The following PEAK1 variants were observed in gnomAD, a reference collection of about 807,000 sequenced individuals.
The protein encoded by PEAK1 is inactive tyrosine-protein kinase PEAK1.
In PEAK1, 54 loss-of-function variants were observed where a neutral mutation model predicts 124.7. The ratio of observed to expected loss-of-function variants is 0.43; its 90% CI spans 0.35 to 0.54. PEAK1 has a LOEUF of 0.54. PEAK1 is among the 20% of genes least tolerant of loss of function. PEAK1 has a pLI of 0.01. For missense variants in PEAK1, 2,046 were observed against 2,134.5 expected, an observed-to-expected ratio of 0.96 and a Z score of 0.82; for synonymous variants, 719 against 760.0, an observed-to-expected ratio of 0.95 and a Z score of 0.89.
intron 1 of PEAK1, chr15:77,404,228 T>C: frequency 3.0e-6 from 3 of 985,438 alleles, no homozygotes; most frequent in South Asian, 9.4e-5. Context: ...TCAGGATCCA[T>C]GGTGTAACTT....
chr15:77,396,992 A>G (rs2070940806), intron 1 of PEAK1, among the ~76,000 whole-genome samples: 2 of 152,208 alleles, frequency 1.3e-5, no homozygotes, highest in Admixed American at 6.5e-5. Context: ...ATTTTATCCA[A>G]TGGCTGCTGC....
intron 6 of PEAK1, among the ~76,000 whole-genome samples, chr15:77,227,538 A>G (rs561371316): frequency 7.9e-5 from 12 of 152,308 alleles, no homozygotes; most frequent in Non-Finnish European, 1.5e-4. Flanking sequence ...ACAACAATTT[A>G]GAAGAGTTCT....
chr15:77,295,613 C>T (rs1651051372), intron 2 of PEAK1, among the ~76,000 whole-genome samples: 3 of 152,206 alleles, frequency 2.0e-5, no homozygotes, highest in Non-Finnish European at 4.4e-5. Context: ...TAATGCAAAA[C>T]ACTACCTCAA....
intron 2 of PEAK1, chr15:77,348,247 A>T (rs1419998822): frequency 1.1e-6 from 1 of 951,770 alleles, no homozygotes; most frequent in Non-Finnish European, 1.3e-6. Flanking sequence ...CCCACCTCTC[A>T]CACTAATTAG....
At chr15:77,398,003 T>G (rs1484406070) in intron 1 of PEAK1, among the ~76,000 whole-genome samples, 1 of 152,150 alleles carries the variant, frequency 6.6e-6, no homozygotes, top group Non-Finnish European at 1.5e-5. Flanking sequence ...AGGCGGAGGT[T>G]GCGGTGAGCC....
downstream of PEAK1, chr15:77,103,528 C>CGTATGTCTTGTATATATTT (rs1185994828): frequency 6.6e-6 from 1 of 152,066 alleles, no homozygotes; most frequent in Non-Finnish European, 1.5e-5. Flanking sequence ...CAGCTATATG[C>CGTATGTCTTGTATATATTT]GTATGTCTTG....
At chr15:77,281,145 C>G (rs1010700495) in intron 5 of PEAK1, among the ~76,000 whole-genome samples, 1 of 152,004 alleles carries the variant, frequency 6.6e-6, no homozygotes, top group Non-Finnish European at 1.5e-5. Flanking sequence ...CCAGCCTGGG[C>G]AACAGAGCAA....
chr15:77,304,917 T>A (rs1218262189), intron 2 of PEAK1, among the ~76,000 whole-genome samples: 1 of 152,000 alleles, frequency 6.6e-6, no homozygotes, highest in Non-Finnish European at 1.5e-5. Flanking sequence ...CATTCCTGCA[T>A]GCATTACTGT....
chr15:77,400,324 A>G (rs1366656803), intron 1 of PEAK1, among the ~76,000 whole-genome samples: 1 of 152,174 alleles, frequency 6.6e-6, no homozygotes, highest in African/African-American at 2.4e-5. Flanking sequence ...TATACCCATA[A>G]CAAAGGAAAT....
At chr15:77,217,556 GAC>G (rs1162113073) in intron 6 of PEAK1, among the ~76,000 whole-genome samples, 23 of 152,162 alleles carry the variant, frequency 1.5e-4, no homozygotes, top group African/African-American at 4.3e-4. Context: ...GCAATGTTTT[GAC>G]AGTTTTCATT....
intron 2 of PEAK1, among the ~76,000 whole-genome samples, chr15:77,315,429 T>C (rs1220572398): frequency 6.6e-6 from 1 of 152,190 alleles, no homozygotes; most frequent in Non-Finnish European, 1.5e-5. Context: ...CAGAGTTACT[T>C]AGCATTTCGA....
At chr15:77,296,121 A>C (rs987232785) in intron 2 of PEAK1, among the ~76,000 whole-genome samples, 1 of 152,222 alleles carries the variant, frequency 6.6e-6, no homozygotes, top group Non-Finnish European at 1.5e-5. Context: ...ACTAAAAAGA[A>C]GAGGGGAAAG....
chr15:77,148,795 G>A (rs183000609), intron 8 of PEAK1, among the ~76,000 whole-genome samples: 313 of 151,968 alleles, frequency 2.1e-3, no homozygotes, highest in Non-Finnish European at 2.6e-3. Flanking sequence ...TGTGGTGCAC[G>A]CCTGTAGACC....
chr15:77,145,929 G>A (rs932106701), intron 8 of PEAK1, among the ~76,000 whole-genome samples: 13 of 152,108 alleles, frequency 8.5e-5, no homozygotes, highest in African/African-American at 3.1e-4. Flanking sequence ...TTCAACAAAT[G>A]TTTGCTGAAT....
At chr15:77,417,473 G>A (rs1412591850) in intron 1 of PEAK1, 2 of 971,590 alleles carry the variant, frequency 2.1e-6, no homozygotes, top group African/African-American at 1.8e-5. Flanking sequence ...GGGGGAGGGG[G>A]GCAAGAGGTA....
At chr15:77,348,635 A>G in intron 2 of PEAK1, 1 of 984,912 alleles carries the variant, frequency 1.0e-6, no homozygotes, top group African/African-American at 1.7e-5. Context: ...TGTGGTATAC[A>G]TTTTATAGAG....
At chr15:77,328,408 C>T (rs2065704415) in intron 2 of PEAK1, among the ~76,000 whole-genome samples, 1 of 152,148 alleles carries the variant, frequency 6.6e-6, no homozygotes, top group Admixed American at 6.5e-5. Context: ...TAGTAACTGA[C>T]ATTCTTTTCA....
intron 1 of PEAK1, among the ~76,000 whole-genome samples, chr15:77,369,741 A>G (rs547591341): frequency 6.6e-6 from 1 of 151,588 alleles, no homozygotes; most frequent in East Asian, 1.9e-4. Flanking sequence ...GAACTGTGCC[A>G]TGGCATCATA....
At chr15:77,190,407 G>A (rs985010543) in intron 6 of PEAK1, among the ~76,000 whole-genome samples, 5 of 152,156 alleles carry the variant, frequency 3.3e-5, no homozygotes, top group African/African-American at 1.2e-4. Context: ...AACTTAAAAT[G>A]CAGTCAAAGA....
Sources: allele counts gnomAD v4.1 joint callset (sites outside exome capture counted in the v4.1 genomes callset), GRCh38; gene constraint gnomAD v4.1.1; transcripts MANE v1.5; gene names NCBI Gene and HGNC (gene_info 2026-07-23, HGNC 2026-07-21).